Variants in SIAH1 observed in about 807,000 individuals in gnomAD.
SIAH1 encodes the protein E3 ubiquitin-protein ligase SIAH1.
A neutral mutation model predicts 20.0 loss-of-function variants in SIAH1; 2 were observed. That is an observed-to-expected ratio of 0.10 (90% CI 0.04 to 0.31). The LOEUF (loss-of-function observed/expected upper bound fraction) is 0.31, where lower values mean the gene tolerates loss of function less well. Ranked by LOEUF, SIAH1 falls within the 10% of genes least tolerant of loss-of-function variation. The pLI, the probability that SIAH1 is intolerant of heterozygous loss-of-function variation, is 1.00. For missense variants in SIAH1, 119 were observed against 355.3 expected (o/e 0.33, Z 5.35); for synonymous variants, 118 against 125.3 (o/e 0.94, Z 0.39).
At chr16:48,366,440 G>A (rs1960843478) in intron 1 of SIAH1, among the ~76,000 whole-genome samples, 1 of 152,118 alleles carries the variant, frequency 6.6e-6, no homozygotes, top group Non-Finnish European at 1.5e-5. Flanking sequence ...CTTACCCACT[G>A]TGAAAAGACT....
At chr16:48,371,057 T>C (rs1021894222) in intron 1 of SIAH1, among the ~76,000 whole-genome samples, 1 of 146,664 alleles carries the variant, frequency 6.8e-6, no homozygotes, top group African/African-American at 2.5e-5. Context: ...GAGGTTGCAG[T>C]GAGCCAAGAT....
chr16:48,377,844 G>A (rs1376779663), intron 1 of SIAH1, among the ~76,000 whole-genome samples: 1 of 152,094 alleles, frequency 6.6e-6, no homozygotes, highest in African/African-American at 2.4e-5. Flanking sequence ...CTGGGAGGCC[G>A]AGGCGGCAGG....
intron 1 of SIAH1, chr16:48,365,389 T>C: frequency 3.7e-6 from 6 of 1,613,960 alleles, no homozygotes; most frequent in Non-Finnish European, 5.1e-6. Flanking sequence ...GTCAATACCT[T>C]TTCTCTTCCT....
intron 1 of SIAH1, chr16:48,365,536 G>A (rs1333832971): frequency 5.7e-6 from 9 of 1,577,564 alleles, no homozygotes; most frequent in Non-Finnish European, 7.7e-6. Flanking sequence ...GCCCCTCCTG[G>A]GCTCTTTCTG....
At chr16:48,378,713 C>A (rs1252612101) in intron 1 of SIAH1, among the ~76,000 whole-genome samples, 4 of 152,112 alleles carry the variant, frequency 2.6e-5, no homozygotes, top group African/African-American at 7.2e-5. Context: ...CAGCATCTCT[C>A]CTCTCTTTCC....
rs1365626816 is a variant in SIAH1, at chr16:48,385,234, G to C, written c.-33C>G. On this transcript the variant is annotated 5_prime_UTR_variant, in exon 1 of 2. Transcript: ENST00000394725. ...GGCGGAGAGCGCGCCTCGGACCCCGGTCCTGGCACCAACGCGCTCCGTCGC... is the reference window on the plus strand; with the variant it reads ...GGCGGAGAGCGCGCCTCGGACCCCGCTCCTGGCACCAACGCGCTCCGTCGC... The C allele has an allele frequency of 3.4e-5, 11 of 327,206 alleles. No homozygotes were observed. Among genetic ancestry groups the C allele is most frequent in the Non-Finnish European group, 6.4e-5 (10 of 155,254 alleles). 20.3% of individuals were successfully genotyped at this position (327,206 alleles called of 1,614,324 possible). A position where few individuals can be genotyped will look rare whatever the true frequency, so the allele number is the denominator to read the frequency against.
chr16:48,374,641 T>A (rs958143005), intron 1 of SIAH1, among the ~76,000 whole-genome samples: 8 of 152,024 alleles, frequency 5.3e-5, no homozygotes, highest in African/African-American at 1.9e-4. Context: ...ACTGAAGGCA[T>A]CCAAACAACC....
chr16:48,370,509 C>G (rs181881875), intron 1 of SIAH1, among the ~76,000 whole-genome samples: 43 of 152,234 alleles, frequency 2.8e-4, no homozygotes, highest in African/African-American at 9.9e-4. Flanking sequence ...AGACATTTAT[C>G]CCCACCTTAC....
chr16:48,384,440 G>A (rs1961384836), intron 1 of SIAH1, among the ~76,000 whole-genome samples: 1 of 152,168 alleles, frequency 6.6e-6, no homozygotes, highest in South Asian at 2.1e-4. Flanking sequence ...AAATTTGGGA[G>A]AGTTAAGAAA....
chr16:48,384,518 G>T (rs1961387948), intron 1 of SIAH1, among the ~76,000 whole-genome samples: 1 of 152,146 alleles, frequency 6.6e-6, no homozygotes, highest in Admixed American at 6.5e-5. Context: ...GAGCTTCCCC[G>T]GCACGCCGTT....
At chr16:48,385,819 G>T (rs899768219), upstream of SIAH1, among the ~76,000 whole-genome samples, 4 of 152,150 alleles carry the variant, frequency 2.6e-5, no homozygotes, top group Non-Finnish European at 5.9e-5. Flanking sequence ...GCGGCCTTGT[G>T]CCCTCCCCCT....
chr16:48,384,364 G>A (rs1280146052), intron 1 of SIAH1, among the ~76,000 whole-genome samples: 1 of 152,132 alleles, frequency 6.6e-6, no homozygotes, highest in Non-Finnish European at 1.5e-5. Context: ...TATCTTTCCA[G>A]GAACGGGCAG....
intron 1 of SIAH1, among the ~76,000 whole-genome samples, chr16:48,371,593 G>C (rs1034339455): frequency 6.6e-6 from 1 of 152,186 alleles, no homozygotes; most frequent in African/African-American, 2.4e-5. Flanking sequence ...ACAGAACCAG[G>C]CAGAGGGCCA....
chr16:48,369,977 A>G (rs1424804102), intron 1 of SIAH1, among the ~76,000 whole-genome samples: 1 of 152,262 alleles, frequency 6.6e-6, no homozygotes, highest in Non-Finnish European at 1.5e-5. Context: ...AAGCTCTTGC[A>G]TAAATTCCAC....
upstream of SIAH1, among the ~76,000 whole-genome samples, chr16:48,385,750 C>A (rs983658940): frequency 3.3e-5 from 5 of 152,018 alleles, no homozygotes; most frequent in African/African-American, 1.2e-4. Flanking sequence ...CGCGTGACCC[C>A]CCCGGCTCCG....
intron 1 of SIAH1, among the ~76,000 whole-genome samples, chr16:48,383,922 G>A (rs1961362463): frequency 6.6e-6 from 1 of 152,200 alleles, no homozygotes; most frequent in Non-Finnish European, 1.5e-5. Context: ...AGCATTTGTT[G>A]AGAACTTAGT....
upstream of SIAH1, among the ~76,000 whole-genome samples, chr16:48,386,857 G>T (rs540378789): frequency 3.3e-5 from 5 of 152,260 alleles, no homozygotes; most frequent in Admixed American, 6.5e-5. Context: ...AGAACCCCTG[G>T]GCCGCTCTGC....
chr16:48,368,523 T>A (rs1460723150), intron 1 of SIAH1, among the ~76,000 whole-genome samples: 1 of 152,300 alleles, frequency 6.6e-6, no homozygotes, highest in Non-Finnish European at 1.5e-5. Flanking sequence ...TGGTGATACT[T>A]TGTCTCTACT....
At chr16:48,376,791 G>A (rs937742475) in intron 1 of SIAH1, among the ~76,000 whole-genome samples, 2 of 152,128 alleles carry the variant, frequency 1.3e-5, no homozygotes, top group African/African-American at 2.4e-5. Context: ...TTCTAATAAA[G>A]CTAAATCAGG....
Sources: allele counts gnomAD v4.1 joint callset (sites outside exome capture counted in the v4.1 genomes callset), GRCh38; gene constraint gnomAD v4.1.1; transcripts MANE v1.5; gene names NCBI Gene and HGNC (gene_info 2026-07-23, HGNC 2026-07-21).